Variants in CCDC83 observed in about 807,000 individuals in gnomAD.
CCDC83 encodes coiled-coil domain-containing protein 83.
CCDC83 carries 54 observed loss-of-function variants against 50.1 expected under a neutral mutation model. The observed-to-expected ratio is 1.08, with a 90% confidence interval of 0.87 to 1.35. The LOEUF is 1.35. Ranked by LOEUF, CCDC83 falls within the 40% of genes most tolerant of loss-of-function variation. The pLI is 0.00. For synonymous variants in CCDC83, 161 were observed against 153.3 expected (o/e 1.05, Z -0.37); for missense variants, 518 against 473.9 (o/e 1.09, Z -0.86).
At chr11:85,908,730 C>G (rs2093437973) in intron 7 of CCDC83, among the ~76,000 whole-genome samples, 1 of 149,758 alleles carries the variant, frequency 6.7e-6, no homozygotes, top group African/African-American at 2.5e-5. Flanking sequence ...ATGATGAAAC[C>G]CCGACTCTAC....
At chr11:85,876,285 T>A (rs2093268635) in intron 3 of CCDC83, among the ~76,000 whole-genome samples, 1 of 152,210 alleles carries the variant, frequency 6.6e-6, no homozygotes, top group Non-Finnish European at 1.5e-5. Flanking sequence ...ATAATTTTCA[T>A]ATCTATATTT....
At chr11:85,878,320 A>G (rs1014936753) in intron 3 of CCDC83, among the ~76,000 whole-genome samples, 3 of 152,194 alleles carry the variant, frequency 2.0e-5, no homozygotes, top group African/African-American at 7.2e-5. Context: ...GTGACCTTTA[A>G]AGCCACTCAC....
intron 2 of CCDC83, among the ~76,000 whole-genome samples, chr11:85,867,376 A>T (rs7104085): frequency 0.063 from 7,231 of 114,310 alleles, 461 homozygotes; most frequent in African/African-American, 0.17. Context: ...GATTTATTTT[A>T]AAAAATGTAC....
At chr11:85,899,270 T>C (rs2093389667) in intron 7 of CCDC83, among the ~76,000 whole-genome samples, 1 of 152,234 alleles carries the variant, frequency 6.6e-6, no homozygotes, top group Non-Finnish European at 1.5e-5. Flanking sequence ...CTTTATGTCC[T>C]AAAACTTGAT....
chr11:85,874,321 A>T (rs984119106), intron 3 of CCDC83, among the ~76,000 whole-genome samples: 2 of 152,234 alleles, frequency 1.3e-5, no homozygotes, highest in African/African-American at 4.8e-5. Context: ...AAGAGAAGTA[A>T]GTCCCATCGA....
chr11:85,896,834 T>C (rs889673588), intron 6 of CCDC83, among the ~76,000 whole-genome samples: 3 of 152,152 alleles, frequency 2.0e-5, no homozygotes, highest in East Asian at 1.9e-4. Context: ...CCCACTAAGA[T>C]TGTCTGTTCA....
chr11:85,872,124 T>C (rs944467287), intron 2 of CCDC83, among the ~76,000 whole-genome samples: 3 of 152,048 alleles, frequency 2.0e-5, no homozygotes, highest in Non-Finnish European at 2.9e-5. Context: ...GGCTAATTTT[T>C]GTATTTCTAG....
intron 6 of CCDC83, among the ~76,000 whole-genome samples, chr11:85,896,896 G>T (rs2093378422): frequency 6.6e-6 from 1 of 151,910 alleles, no homozygotes; most frequent in Admixed American, 6.6e-5. Context: ...TTTTCAAAAG[G>T]TTCCTTACTG....
chr11:85,861,510 TTC>T (rs2093175980), intron 1 of CCDC83, among the ~76,000 whole-genome samples: 1 of 152,228 alleles, frequency 6.6e-6, no homozygotes, highest in Non-Finnish European at 1.5e-5. Context: ...TATTCTGAAC[TTC>T]TGTCATTGCT....
chr11:85,898,915 A>T (rs1280712425), intron 6 of CCDC83, 32 bp from the exon 7 acceptor site: 1 of 1,485,060 alleles, frequency 6.7e-7, no homozygotes. Flanking sequence ...AGCATGTGGC[A>T]ACTCTTCCTT....
intron 1 of CCDC83, among the ~76,000 whole-genome samples, chr11:85,862,624 A>G (rs1448023167): frequency 2.0e-5 from 3 of 152,140 alleles, no homozygotes; most frequent in Non-Finnish European, 2.9e-5. Context: ...TATTTGTCAG[A>G]TATTCTAAGT....
chr11:85,866,288 G>A (rs1404230075), intron 2 of CCDC83, among the ~76,000 whole-genome samples: 1 of 152,208 alleles, frequency 6.6e-6, no homozygotes, highest in African/African-American at 2.4e-5. Flanking sequence ...TGTTTACCAA[G>A]TGCAAGTCAA....
chr11:85,879,596 T>G (rs557086906), intron 3 of CCDC83, among the ~76,000 whole-genome samples: 1 of 152,036 alleles, frequency 6.6e-6, no homozygotes, highest in African/African-American at 2.4e-5. Flanking sequence ...AAAGTAAAAT[T>G]TGATAAGGAT....
In CCDC83 at chr11:85,866,281, T is replaced by C. The variant is rs192532977; in HGVS notation, c.95+1063T>C. On this transcript the variant is annotated intron_variant, in intron 2 of 10. Coordinates refer to ENST00000342404, the MANE Select transcript of CCDC83 (RefSeq NM_001286159.2). ...ACTTATTCAATAAATACTTGGGTGT[T>C]TACCAAGTGCAAGTCAAGTGCTGGG... 2.0e-3 allele frequency among the ~76,000 whole-genome samples: 298 copies of C among 152,320 alleles called. 1 individual carries two copies. The highest frequency in any genetic ancestry group is 6.9e-3 in the African/African-American group (285 of 41,572).
chr11:85,915,562 C>A, intron 9 of CCDC83, 64 bp downstream of exon 9: 2 of 1,197,812 alleles, frequency 1.7e-6, no homozygotes, highest in Admixed American at 1.9e-5. Context: ...ATTTAAAAAA[C>A]ACTTACCTAT....
intron 2 of CCDC83, among the ~76,000 whole-genome samples, chr11:85,871,319 T>C (rs2093236036): frequency 6.6e-6 from 1 of 152,196 alleles, no homozygotes; most frequent in Non-Finnish European, 1.5e-5. Flanking sequence ...AAAGGAAGCA[T>C]AGAGTTCATC....
chr11:85,917,166 G>GAAAGACAGAA (rs59229600), intron 10 of CCDC83, among the ~76,000 whole-genome samples: 1 of 62,416 alleles, frequency 1.6e-5, no homozygotes, highest in Non-Finnish European at 3.4e-5. Context: ...GAGAGAGAGA[G>GAAAGACAGAA]AGAAAGAAAG....
At chr11:85,914,362 CA>C (rs1418540377) in intron 8 of CCDC83, among the ~76,000 whole-genome samples, 3 of 152,150 alleles carry the variant, frequency 2.0e-5, no homozygotes, top group Non-Finnish European at 4.4e-5. Flanking sequence ...GTTTTCAAAG[CA>C]TGATATTTTC....
At chr11:85,917,164 G>GAA (rs57311708) in intron 10 of CCDC83, among the ~76,000 whole-genome samples, 5,590 of 73,506 alleles carry the variant, frequency 0.076, 221 homozygotes, top group Middle Eastern at 0.14. Context: ...GAGAGAGAGA[G>GAA]AGAGAAAGAA....
Sources: allele counts gnomAD v4.1 joint callset (sites outside exome capture counted in the v4.1 genomes callset), GRCh38; gene constraint gnomAD v4.1.1; transcripts MANE v1.5; gene names NCBI Gene and HGNC (gene_info 2026-07-23, HGNC 2026-07-21).